LMF2: variants seen among roughly 807,000 people sequenced by gnomAD.
The protein encoded by LMF2 is transmembrane protein 112B.
In LMF2, 113 loss-of-function variants were observed where a neutral mutation model predicts 81.5. The observed-to-expected ratio is 1.39, with a 90% CI of 1.19 to 1.62. LMF2 has a LOEUF of 1.62. Ranked by LOEUF, LMF2 falls within the 40% of genes most tolerant of loss-of-function variation. LMF2 has a pLI of 0.00. For synonymous variants in LMF2, 645 were observed against 424.5 expected (o/e 1.52, Z -6.39); for missense variants, 1,235 against 929.1 (o/e 1.33, Z -4.28).
In LMF2 at chr22:50,505,290, G is replaced by A. The variant is rs2068528583; in HGVS notation, c.1096C>T (p.Leu366=). Reference sequence around the variant, plus strand: ...GCCACACCCAGCCACACAGTGGGCAGCGTCAGTGTCTTCAGCCACTGAGAA... The same window carrying A: ...GCCACACCCAGCCACACAGTGGGCAACGTCAGTGTCTTCAGCCACTGAGAA... ...QFSQWLKTLT[L]PTVWLGVASL... The change falls in exon 8 of 14, where the codon CTG becomes TTG. Residue 366 remains leucine, a synonymous_variant. Coordinates refer to ENST00000474879, the MANE Select transcript of LMF2 (RefSeq NM_033200.3). 8 of 1,613,318 alleles carry A rather than the reference G, an allele frequency of 5.0e-6. No homozygotes were observed. The East Asian group carries it at 1.6e-4, about 31-fold the overall frequency.
chr22:50,506,884 G>A lies in LMF2; in HGVS notation c.246C>T (p.Ser82=). ...CCAGGGCCACTAGTGCACCCAGCAG[G>A]CTCAGCAGCTCCAGGCCCTGGGCCG... ...LDTAQGLELL[S]LLGALVALGA... Residue 82 remains serine, a synonymous_variant, in exon 2 of 14, where the codon AGC becomes AGT. Coordinates refer to ENST00000474879, the MANE Select transcript of LMF2 (RefSeq NM_033200.3). 5 of 1,585,950 alleles carry A rather than the reference G, an allele frequency of 3.2e-6. No individual in the cohort carries two copies. Among genetic ancestry groups the A allele is most frequent in the Non-Finnish European group, 4.3e-6 (5 of 1,167,024 alleles).
In LMF2 at chr22:50,503,423, T is replaced by C. The variant is rs776897827; in HGVS notation, c.2092A>G (p.Ser698Gly). 3.0e-5 allele frequency: 49 copies of C among 1,609,238 alleles called. No homozygotes were observed. The highest frequency in any genetic ancestry group is 3.3e-4 in the Middle Eastern group (2 of 6,058). The change falls in exon 14 of 14, where the codon AGT becomes GGT. Residue 698 changes from serine (S) to glycine (G), a missense_variant. Ser to Gly is a moderately conservative substitution (Grantham distance 56, BLOSUM62 0). Transcript: ENST00000474879. ...QATAAPNPCSSSSRTTRRKK is the reference protein window; with the variant it reads ...QATAAPNPCSGSSRTTRRKK The stretch of plus-strand genomic sequence containing the variant: ...TTTCGCCGGGTGGTCCTCGAACTAC[T>C]GGAGCAGGGGTTGGGGGCTGCGGTG...
chr22:50,503,783 C>T (rs771564082), intron 13 of LMF2, 25 bp downstream of exon 13: 6 of 1,600,222 alleles, frequency 3.7e-6, no homozygotes, highest in South Asian at 1.1e-5. Context: ...TGCCACCTCC[C>T]CCAGCCTGGC....
chr22:50,505,059 G>A lies in LMF2; in HGVS notation c.1252C>T (p.Leu418=), dbSNP rs763146603. Reference sequence around the variant, plus strand: ...CCCAGCCCTGCAGCGCTACCCACCAGGCTAATCAGGAACAAGGCCACGGTC... The same window carrying A: ...CCCAGCCCTGCAGCGCTACCCACCAAGCTAATCAGGAACAAGGCCACGGTC... ...TATVALFLIS[L]VPYSYVEPGT... Residue 418 remains leucine, a splice_region_variant and synonymous_variant, in exon 9 of 14, where the codon CTG becomes TTG. Coordinates refer to ENST00000474879, the MANE Select transcript of LMF2 (RefSeq NM_033200.3). 3.7e-5 allele frequency: 59 copies of A among 1,612,818 alleles called. No individual in the cohort carries two copies. In the East Asian group the frequency reaches 1.2e-3, roughly 32 times the overall value.
Position 50,503,516 on chromosome 22 carries a change from C to T in LMF2, c.1999G>A (p.Ala667Thr). 6.3e-7 allele frequency: 1 copy of T among 1,576,128 alleles called. No individual in the cohort carries two copies. Among genetic ancestry groups the T allele is most frequent in the South Asian group, 1.2e-5 (1 of 86,744 alleles). The change falls in exon 14 of 14, where the codon GCA becomes ACA. Residue 667 changes from alanine (A) to threonine (T), a missense_variant. Coordinates refer to ENST00000474879, the MANE Select transcript of LMF2 (RefSeq NM_033200.3). ...CTGCGCTTCTCCCCGCTGACTGGTG[C>T]CAGCGGGGAGGACCGGAGAGAACAG... ...APCSLRSSPL[A>T]PVSGEKRRPA...
chr22:50,505,841 C>A (rs745652479), intron 5 of LMF2, 26 bp from the exon 6 acceptor site: 4 of 1,611,140 alleles, frequency 2.5e-6, no homozygotes, highest in Non-Finnish European at 2.5e-6. Flanking sequence ...TCTCAGTGCT[C>A]CCGGAGACTG....
rs746203006 is a variant in LMF2, at chr22:50,506,968, C to T, written c.162G>A (p.Trp54Ter). 7.6e-6 allele frequency: 12 copies of T among 1,588,956 alleles called. No individual in the cohort carries two copies. Reference protein sequence around the residue: ...RTLRPQGKGRWQQLWETPTLL... With the variant: ...RTLRPQGKGR The stretch of plus-strand genomic sequence containing the variant: ...GCGTCGGGGTCTCCCACAGCTGCTG[C>T]CAGCGCCCCTTGCCCTGAGGCCGCA... Residue 54 changes from tryptophan to a stop codon, truncating the protein, a stop_gained, in exon 2 of 14, where the codon TGG becomes TGA. Coordinates refer to ENST00000474879, the MANE Select transcript of LMF2 (RefSeq NM_033200.3). LOFTEE classifies it high-confidence loss of function.
Position 50,504,325 on chromosome 22 carries a change from G to C in LMF2, c.1718+15C>G. 1 of 1,573,516 alleles carries C rather than the reference G, an allele frequency of 6.4e-7. No individual in the cohort carries two copies. Among genetic ancestry groups the C allele is most frequent in the Non-Finnish European group, 8.6e-7 (1 of 1,156,938 alleles). On this transcript the variant is annotated intron_variant, in intron 12 of 13. Transcript: ENST00000474879. The stretch of plus-strand genomic sequence containing the variant: ...GCACCCCGGGCTCCACACCCCACCC[G>C]GTGCCCAGCCTTACCCCTGCTCCCC...
chr22:50,504,495 G>GGCCCCCCCCCCCCCCCCC lies in LMF2; in HGVS notation c.1607-45_1607-44insGGGGGGGGGGGGGGGGGC. On this transcript the variant is annotated intron_variant, in intron 11 of 13. Coordinates refer to ENST00000474879, the MANE Select transcript of LMF2 (RefSeq NM_033200.3). ...GCGTGGCCCCCACAGTACCCGCCCT[G>GGCCCCCCCCCCCCCCCCC]CCCCTCCCCTCCCCACCCCGCTCCA... is the stretch of plus-strand genomic sequence containing the variant. 8 of 1,339,578 alleles carry GGCCCCCCCCCCCCCCCCC rather than the reference G, an allele frequency of 6.0e-6. No individual in the cohort carries two copies. In the East Asian group the frequency reaches 7.6e-5, roughly 13 times the overall value. The allele number at this position is 1,339,578 out of a possible 1,614,324, so 83.0% of individuals were successfully genotyped here. A position where few individuals can be genotyped will look rare whatever the true frequency, so the allele number is the denominator to read the frequency against.
chr22:50,503,844 G>C lies in LMF2; in HGVS notation c.1779C>G (p.Pro593=), dbSNP rs373403128. The change falls in exon 13 of 14, where the codon CCC becomes CCG. Residue 593 remains proline, a synonymous_variant. Transcript: ENST00000474879. The part of the protein sequence containing the change: ...EFFPSVSLGD[P]TLETLLRQFG... ...ACTGCCTGAGCAGCGTCTCCAGCGTGGGGTCCCCCAGGGACACGGATGGGA... is the reference window on the plus strand; with the variant it reads ...ACTGCCTGAGCAGCGTCTCCAGCGTCGGGTCCCCCAGGGACACGGATGGGA... The C allele has an allele frequency of 9.0e-5, 144 of 1,605,170 alleles. No individual in the cohort carries two copies. Among genetic ancestry groups the C allele is most frequent in the Non-Finnish European group, 1.1e-4 (133 of 1,179,448 alleles).
At chr22:50,505,208 C>T (rs2068526218) in intron 8 of LMF2, 21 bp downstream of exon 8, 1 of 1,612,816 alleles carries the variant, frequency 6.2e-7, no homozygotes, top group African/African-American at 1.3e-5. Flanking sequence ...GTGCCCCCTC[C>T]CTGCTTCCTG....
rs2148649998 is a variant in LMF2 at position 50,507,197 on chromosome 22, G to A, written c.95-162C>T. 3.2e-6 allele frequency: 4 copies of A among 1,258,012 alleles called. No individual in the cohort carries two copies. The South Asian group carries it at 6.3e-5, about 20-fold the overall frequency. The allele number at this position is 1,258,012 out of a possible 1,614,324, so 77.9% of individuals were successfully genotyped here. ...CTCCAGAGCCCGTCCCCCAGGTCGG[G>A]ACCTGTCAAAACCCCGTCCCAGGGC... is the stretch of plus-strand genomic sequence containing the variant. On this transcript the variant is annotated intron_variant, in intron 1 of 13. Coordinates refer to ENST00000474879, the MANE Select transcript of LMF2 (RefSeq NM_033200.3).
At position 50,504,963 on chromosome 22, in the gene LMF2, G is replaced by C. The variant is rs754071877; in HGVS notation, c.1276C>G (p.Pro426Ala). 50 of 1,609,034 alleles carry C rather than the reference G, an allele frequency of 3.1e-5. 2 individuals carry two copies. In the South Asian group the frequency reaches 5.4e-4, roughly 17 times the overall value. The change falls in exon 10 of 14, where the codon CCC becomes GCC. Residue 426 changes from proline (P) to alanine (A), a missense_variant. Pro to Ala is a conservative substitution (Grantham distance 27). Coordinates refer to ENST00000474879, the MANE Select transcript of LMF2 (RefSeq NM_033200.3). Reference sequence around the variant, plus strand: ...GTCCAGAGGCGCCCGTGGGTCCCGGGCTCCACGTAGGAGTACGGCACCTGG... The same window carrying C: ...GTCCAGAGGCGCCCGTGGGTCCCGGCCTCCACGTAGGAGTACGGCACCTGG... ...ISLVPYSYVE[P>A]GTHGRLWTGA...
intron 2 of LMF2, 38 bp downstream of exon 2, chr22:50,506,744 G>T (rs765180062): frequency 1.9e-6 from 3 of 1,612,354 alleles, no homozygotes; most frequent in Non-Finnish European, 1.7e-6. Flanking sequence ...GGTGGTGGGG[G>T]TTGGAGATAG....
Position 50,503,949 on chromosome 22 carries a change from C to T in LMF2, c.1719-45G>A, listed in dbSNP as rs1214344867. On this transcript the variant is annotated intron_variant, in intron 12 of 13. Coordinates refer to ENST00000474879, the MANE Select transcript of LMF2 (RefSeq NM_033200.3). ...TCAGAAGCTGGAGGCACCCCGGGCT[C>T]CATACCCCATCGCCAGTGCCCAGCC... The T allele has an allele frequency of 9.6e-6, 15 of 1,559,340 alleles. 1 individual carries two copies. The highest frequency in any genetic ancestry group is 1.3e-5 in the Non-Finnish European group (15 of 1,143,450).
In LMF2 at chr22:50,504,818, T is replaced by C. The variant is rs917142353; in HGVS notation, c.1421A>G (p.Asp474Gly). 7 of 1,606,402 alleles carry C rather than the reference T, an allele frequency of 4.4e-6. No homozygotes were observed. The South Asian group carries it at 7.7e-5, about 18-fold the overall frequency. The change falls in exon 10 of 14, where the codon GAC (aspartate) becomes GGC (glycine). Residue 474 changes from aspartate (D) to glycine (G), a missense_variant. Physicochemically the swap from Asp to Gly is moderately conservative, Grantham distance 94 (BLOSUM62 -1). Coordinates refer to ENST00000474879, the MANE Select transcript of LMF2 (RefSeq NM_033200.3). Reference protein sequence around the residue: ...RPEVVLEGSYDGHHWTEIEFM... With the variant: ...RPEVVLEGSYGGHHWTEIEFM... ...AGGGCTCACCGTCCAGTGGTGGCCG[T>C]CGTAACTGCCCTCCAGCACCACCTC... is the stretch of plus-strand genomic sequence containing the variant.
Position 50,505,422 on chromosome 22 carries a change from G to A in LMF2, c.1032C>T (p.Arg344=). ...YFGLEVDWQQ[R]TIHSRTTFTF... ...ACTCACTGGTTCTGGAGTGGATGGT[G>A]CGCTGCTGCCAGTCAACCTCCAGGC... Residue 344 remains arginine, a synonymous_variant, in exon 7 of 14, where the codon CGC becomes CGT. Coordinates refer to ENST00000474879, the MANE Select transcript of LMF2 (RefSeq NM_033200.3). The A allele has an allele frequency of 6.2e-7, 1 of 1,613,102 alleles. No homozygotes were observed. Among genetic ancestry groups the A allele is most frequent in the Non-Finnish European group, 8.5e-7 (1 of 1,180,020 alleles).
intron 10 of LMF2, 31 bp from the exon 11 acceptor site, chr22:50,504,758 G>C (rs373871380): frequency 1.9e-6 from 3 of 1,605,514 alleles, no homozygotes; most frequent in Non-Finnish European, 2.5e-6. Flanking sequence ...AGCTGGGCCC[G>C]CTGACCTGGG....
At chr22:50,507,221 G>C (rs1312286725) in intron 1 of LMF2, 186 bp from the exon 2 acceptor site, 1 of 960,112 alleles carries the variant, frequency 1.0e-6, no homozygotes, top group African/African-American at 1.7e-5. Context: ...CCGTCCCAGG[G>C]CTAGAGGCCT....
Sources: gnomAD v4.1 joint callset for allele counts on GRCh38, gnomAD v4.1.1 for gene constraint, MANE v1.5 for transcripts, NCBI Gene and HGNC (gene_info 2026-07-23, HGNC 2026-07-21) for gene names.